The following ITM2B variants were observed in gnomAD, a reference collection of about 807,000 sequenced individuals.
ITM2B encodes integral membrane protein 2B, also known as ABri/ADan amyloid peptide.
In ITM2B, 11 loss-of-function variants were observed where a neutral mutation model predicts 27.8. The observed-to-expected ratio is 0.40, with a 90% CI of 0.25 to 0.66. The LOEUF is 0.66. Among genes scored for constraint, ITM2B ranks in the 30% least tolerant of loss-of-function variants. The pLI is 0.43. For synonymous variants in ITM2B, 114 were observed against 114.3 expected (o/e 1.00, Z 0.02); for missense variants, 296 against 328.9 (o/e 0.90, Z 0.77).
At chr13:48,261,071 TA>T in intron 5 of ITM2B, 67 bp from the exon 6 acceptor site, 1 of 1,023,738 alleles carries the variant, frequency 9.8e-7, no homozygotes. Context: ...ATAATAACTA[TA>T]AAAATGATGT....
rs1323190001 is a variant in ITM2B, at chr13:48,253,828, A to G, written c.138A>G (p.Pro46=). 6.2e-7 allele frequency: 1 copy of G among 1,613,934 alleles called. No individual in the cohort carries two copies. The highest frequency in any genetic ancestry group is 8.5e-7 in the Non-Finnish European group (1 of 1,179,792). ...TTTAGGACCCAGATGATGTGGTACCAGTTGGCCAAAGAAGAGCCTGGTGTT... is the reference window on the plus strand; with the variant it reads ...TTTAGGACCCAGATGATGTGGTACCGGTTGGCCAAAGAAGAGCCTGGTGTT... ...VDCKDPDDVV[P]VGQRRAWCWC... The change falls in exon 2 of 6, where the codon CCA becomes CCG. Residue 46 remains proline, a synonymous_variant. Coordinates refer to ENST00000647800, the MANE Select transcript of ITM2B (RefSeq NM_021999.5).
chr13:48,246,508 A>T (rs1371807099), intron 1 of ITM2B, among the ~76,000 whole-genome samples: 1 of 152,238 alleles, frequency 6.6e-6, no homozygotes, highest in Admixed American at 6.5e-5. Flanking sequence ...CATATACCAG[A>T]TATATTTGAT....
In ITM2B at chr13:48,258,005, G is replaced by A. The variant is rs895822563; in HGVS notation, c.454-121G>A. The A allele has an allele frequency of 2.0e-5, 13 of 643,790 alleles. No homozygotes were observed. In the African/African-American group the frequency reaches 2.2e-4, roughly 11 times the overall value. 39.9% of individuals were successfully genotyped at this position (643,790 alleles called of 1,614,324 possible). ...AGCCAAATTCTGAATTTGTTGAAAT[G>A]CAAGTGATTTATACATTCTAAAGCC... On this transcript the variant is annotated intron_variant, in intron 3 of 5. Transcript: ENST00000647800.
chr13:48,269,495 C>T lies in ITM2B; in HGVS notation c.*8271C>T, dbSNP rs1951872172. 6.6e-6 allele frequency: 1 copy of T among 152,276 alleles called. No homozygotes were observed. The highest frequency in any genetic ancestry group is 6.5e-5 in the Admixed American group (1 of 15,270). 9.4% of individuals were successfully genotyped at this position (152,276 alleles called of 1,614,324 possible). A position where few individuals can be genotyped will look rare whatever the true frequency, so the allele number is the denominator to read the frequency against. Reference sequence around the variant, plus strand: ...GAATAAAAGTCGAACAATGCCCTACCTGTAGGTAATCTAGGCCTCCAAAGC... The same window carrying T: ...GAATAAAAGTCGAACAATGCCCTACTTGTAGGTAATCTAGGCCTCCAAAGC... On this transcript the variant is annotated 3_prime_UTR_variant, in exon 6 of 6. Coordinates refer to ENST00000647800, the MANE Select transcript of ITM2B (RefSeq NM_021999.5).
At chr13:48,255,261 G>A (rs534955936) in intron 2 of ITM2B, among the ~76,000 whole-genome samples, 93 of 151,652 alleles carry the variant, frequency 6.1e-4, no homozygotes, top group African/African-American at 1.9e-3. Flanking sequence ...GTGTGCGCGC[G>A]CGTGTGCGTG....
intron 4 of ITM2B, among the ~76,000 whole-genome samples, chr13:48,258,519 C>T (rs1270039154): frequency 2.0e-5 from 3 of 152,062 alleles, no homozygotes; most frequent in South Asian, 2.1e-4. Context: ...ATGAACATGA[C>T]TATATTCCAA....
chr13:48,260,565 T>C (rs1951816525), intron 5 of ITM2B, among the ~76,000 whole-genome samples: 1 of 151,858 alleles, frequency 6.6e-6, no homozygotes, highest in South Asian at 2.1e-4. Context: ...CCCATCTTTA[T>C]GTCAGTGAGT....
rs988579591 is a variant in ITM2B, at chr13:48,263,600, T to G, written c.*2376T>G. On this transcript the variant is annotated 3_prime_UTR_variant, in exon 6 of 6. Coordinates refer to ENST00000647800, the MANE Select transcript of ITM2B (RefSeq NM_021999.5). Reference sequence around the variant, plus strand: ...TTCTGTCTTAGTCCATTCGGGCTACTATAACAAAATACCATAGACTGAGTG... The same window carrying G: ...TTCTGTCTTAGTCCATTCGGGCTACGATAACAAAATACCATAGACTGAGTG... 1 of 152,180 alleles carries G rather than the reference T, an allele frequency of 6.6e-6. No homozygotes were observed. The highest frequency in any genetic ancestry group is 2.4e-5 in the African/African-American group (1 of 41,436). 9.4% of individuals were successfully genotyped at this position (152,180 alleles called of 1,614,324 possible).
chr13:48,235,984 T>C (rs1470032983), intron 1 of ITM2B, among the ~76,000 whole-genome samples: 1 of 152,218 alleles, frequency 6.6e-6, no homozygotes, highest in Non-Finnish European at 1.5e-5. Flanking sequence ...TCCAGTACTT[T>C]TACATTGCTC....
chr13:48,234,514 A>G (rs1446155389), intron 1 of ITM2B, among the ~76,000 whole-genome samples: 7 of 152,162 alleles, frequency 4.6e-5, no homozygotes, highest in Non-Finnish European at 7.4e-5. Context: ...TTAACTTAAA[A>G]AAATTGGTGT....
Position 48,261,345 on chromosome 13 carries a change from T to A in ITM2B, c.*121T>A. ...ATGTAAGTAGCAAACAGGGCTTTAC[T>A]ATCTTTTCATCTCATTAATTCAATT... On this transcript the variant is annotated 3_prime_UTR_variant, in exon 6 of 6. Coordinates refer to ENST00000647800, the MANE Select transcript of ITM2B (RefSeq NM_021999.5). 1.4e-6 allele frequency: 1 copy of A among 738,210 alleles called. No homozygotes were observed. The highest frequency in any genetic ancestry group is 1.6e-5 in the South Asian group (1 of 61,884). The allele number at this position is 738,210 out of a possible 1,614,324, so 45.7% of individuals were successfully genotyped here. A position where few individuals can be genotyped will look rare whatever the true frequency, so the allele number is the denominator to read the frequency against.
intron 3 of ITM2B, among the ~76,000 whole-genome samples, chr13:48,257,175 T>C (rs1360755012): frequency 1.3e-5 from 2 of 152,218 alleles, no homozygotes; most frequent in Non-Finnish European, 2.9e-5. Context: ...ATAAAAGTTA[T>C]GTGAAGGTGG....
At position 48,261,826 on chromosome 13, in the gene ITM2B, A is replaced by G. The variant is rs976525044; in HGVS notation, c.*602A>G. 2.0e-5 allele frequency: 3 copies of G among 152,668 alleles called. No individual in the cohort carries two copies. The highest frequency in any genetic ancestry group is 7.2e-5 in the African/African-American group (3 of 41,456). The allele number at this position is 152,668 out of a possible 1,614,324, so 9.5% of individuals were successfully genotyped here. A position where few individuals can be genotyped will look rare whatever the true frequency, so the allele number is the denominator to read the frequency against. On this transcript the variant is annotated 3_prime_UTR_variant, in exon 6 of 6. Coordinates refer to ENST00000647800, the MANE Select transcript of ITM2B (RefSeq NM_021999.5). ...ATAACTTGTGTTACTAATTTGTATAACCCATATCTGTGCAATGGAATATAA... is the reference window on the plus strand; with the variant it reads ...ATAACTTGTGTTACTAATTTGTATAGCCCATATCTGTGCAATGGAATATAA...
At chr13:48,236,821 T>G (rs1360014195) in intron 1 of ITM2B, among the ~76,000 whole-genome samples, 1 of 152,228 alleles carries the variant, frequency 6.6e-6, no homozygotes, top group East Asian at 1.9e-4. Context: ...TAAGCTTGCT[T>G]CATATGTATC....
chr13:48,244,174 G>T (rs1951713690), intron 1 of ITM2B, among the ~76,000 whole-genome samples: 2 of 152,114 alleles, frequency 1.3e-5, no homozygotes, highest in African/African-American at 4.8e-5. Context: ...GGATAGCCAG[G>T]TACTATACCT....
chr13:48,259,820 C>G (rs1317758451), intron 5 of ITM2B, among the ~76,000 whole-genome samples: 1 of 151,658 alleles, frequency 6.6e-6, no homozygotes, highest in Non-Finnish European at 1.5e-5. Context: ...AGGTAGTGAG[C>G]AAAGTACCCA....
chr13:48,255,975 T>C (rs1420613738), intron 2 of ITM2B, among the ~76,000 whole-genome samples: 2 of 152,136 alleles, frequency 1.3e-5, no homozygotes, highest in African/African-American at 4.8e-5. Flanking sequence ...CTGCCTTTCT[T>C]CTGAAGCTGT....
At chr13:48,242,709 A>G (rs1435011483) in intron 1 of ITM2B, among the ~76,000 whole-genome samples, 1 of 152,060 alleles carries the variant, frequency 6.6e-6, no homozygotes, top group Admixed American at 6.6e-5. Context: ...TTCTAATGTG[A>G]TGCCATTCTG....
In ITM2B at chr13:48,264,978, C is replaced by A. The variant is rs1234401215; in HGVS notation, c.*3754C>A. On this transcript the variant is annotated 3_prime_UTR_variant, in exon 6 of 6. Transcript: ENST00000647800. ...TTGTAGATTCCACACTTTTAATCTTCCAGCCACCTATTGCAGATTGGTTCT... is the reference window on the plus strand; with the variant it reads ...TTGTAGATTCCACACTTTTAATCTTACAGCCACCTATTGCAGATTGGTTCT... 1.3e-5 allele frequency: 2 copies of A among 152,058 alleles called. No homozygotes were observed. The highest frequency in any genetic ancestry group is 1.3e-4 in the Admixed American group (2 of 15,262). The allele number at this position is 152,058 out of a possible 1,614,324, so 9.4% of individuals were successfully genotyped here. A position where few individuals can be genotyped will look rare whatever the true frequency, so the allele number is the denominator to read the frequency against.
Sources: allele counts gnomAD v4.1 joint callset (sites outside exome capture counted in the v4.1 genomes callset), GRCh38; gene constraint gnomAD v4.1.1; transcripts MANE v1.5; gene names NCBI Gene and HGNC (gene_info 2026-07-23, HGNC 2026-07-21).